The following LTN1 variants were observed in gnomAD, a reference collection of about 807,000 sequenced individuals.
LTN1 encodes the protein listerin E3 ubiquitin protein ligase 1.
A neutral mutation model predicts 201.2 loss-of-function variants in LTN1; 88 were observed. That is an observed-to-expected ratio of 0.44 (90% CI 0.37 to 0.52). The LOEUF (loss-of-function observed/expected upper bound fraction) is 0.52, where lower values mean the gene tolerates loss of function less well. LTN1 is among the 20% of genes least tolerant of loss of function. The pLI is 0.00. For missense variants in LTN1, 1,752 were observed against 2,038.7 expected (o/e 0.86, Z 2.71); for synonymous variants, 645 against 713.5 (o/e 0.90, Z 1.53).
chr21:28,951,689 C>T (rs528041968), intron 18 of LTN1, among the ~76,000 whole-genome samples: 8 of 151,964 alleles, frequency 5.3e-5, no homozygotes, highest in African/African-American at 1.2e-4. Context: ...AAAAAGGTGT[C>T]GGCCAGACAT....
At chr21:28,978,515 G>C (rs1342704619) in intron 6 of LTN1, among the ~76,000 whole-genome samples, 1 of 152,060 alleles carries the variant, frequency 6.6e-6, no homozygotes, top group Non-Finnish European at 1.5e-5. Flanking sequence ...TTATATGAAA[G>C]GTAAAACTGC....
At chr21:28,949,006 C>T (rs551582226) in intron 18 of LTN1, among the ~76,000 whole-genome samples, 1 of 152,212 alleles carries the variant, frequency 6.6e-6, no homozygotes, top group Non-Finnish European at 1.5e-5. Context: ...CAAATATGCA[C>T]AGGTGTGACT....
chr21:28,959,419 G>A (rs769533512), intron 13 of LTN1, 39 bp downstream of exon 13: 54 of 1,593,074 alleles, frequency 3.4e-5, no homozygotes, highest in Middle Eastern at 1.7e-4. Flanking sequence ...GGTCAGAGCC[G>A]GAGATTCCCA....
At chr21:28,992,323 C>A (rs2084753100) in intron 1 of LTN1, among the ~76,000 whole-genome samples, 1 of 152,140 alleles carries the variant, frequency 6.6e-6, no homozygotes, top group Non-Finnish European at 1.5e-5. Flanking sequence ...AATATACCAT[C>A]CTAAGAGCTT....
rs1350231828 is a variant in LTN1, at chr21:28,929,907, ATATC to A, written c.*537_*540del. Reference sequence around the variant, plus strand: ...ATAGGATTTCAGAGCATGCCTCCAGATATCTTAAGACAAGCCGTATTAATAGCTT... The same window carrying A: ...ATAGGATTTCAGAGCATGCCTCCAGATTAAGACAAGCCGTATTAATAGCTT... On this transcript the variant is annotated 3_prime_UTR_variant, in exon 30 of 30. Coordinates refer to ENST00000361371, the MANE Select transcript of LTN1 (RefSeq NM_015565.3). The A allele has an allele frequency of 6.6e-6, 1 of 152,208 alleles. No individual in the cohort carries two copies. The highest frequency in any genetic ancestry group is 1.5e-5 in the Non-Finnish European group (1 of 68,024). The allele number at this position is 152,208 out of a possible 1,614,324, so 9.4% of individuals were successfully genotyped here.
intron 16 of LTN1, among the ~76,000 whole-genome samples, chr21:28,955,323 A>G (rs978525003): frequency 1.3e-5 from 2 of 152,146 alleles, no homozygotes; most frequent in African/African-American, 4.8e-5. Context: ...ACAAAAAATA[A>G]CAAATGCTGG....
intron 11 of LTN1, chr21:28,964,559 G>T: frequency 6.7e-7 from 1 of 1,503,250 alleles, no homozygotes; most frequent in Non-Finnish European, 8.9e-7. Context: ...TATTGCTGTG[G>T]TGTGGAACTG....
In LTN1 at chr21:28,931,332, A is replaced by G. The variant is rs1467201724; in HGVS notation, c.5071-10T>C. 6.4e-7 allele frequency: 1 copy of G among 1,559,408 alleles called. No individual in the cohort carries two copies. On this transcript the variant is annotated splice_polypyrimidine_tract_variant and intron_variant, in intron 28 of 29. Coordinates refer to ENST00000361371, the MANE Select transcript of LTN1 (RefSeq NM_015565.3). ...CCATAATACTTCCATTCTGTTAACAAGAAGAAAAATAAGTCACTACACACT... is the reference window on the plus strand; with the variant it reads ...CCATAATACTTCCATTCTGTTAACAGGAAGAAAAATAAGTCACTACACACT...
chr21:28,939,796 T>C (rs143415332), intron 25 of LTN1, among the ~76,000 whole-genome samples: 2 of 152,316 alleles, frequency 1.3e-5, no homozygotes, highest in East Asian at 3.9e-4. Context: ...AACAATATTT[T>C]AAGAAATTGA....
intron 11 of LTN1, among the ~76,000 whole-genome samples, chr21:28,963,169 G>A (rs62224012): frequency 0.039 from 5,925 of 152,306 alleles, 131 homozygotes; most frequent in Middle Eastern, 0.12. Context: ...AATGAAGGTG[G>A]CTACACTAAA....
chr21:28,986,821 T>C lies in LTN1; in HGVS notation c.156A>G (p.Gln52=), dbSNP rs765035003. 3.1e-6 allele frequency: 5 copies of C among 1,613,730 alleles called. No individual in the cohort carries two copies. In the South Asian group the frequency reaches 3.3e-5, roughly 11 times the overall value. Residue 52 remains glutamine, a synonymous_variant, in exon 2 of 30, where the codon CAA becomes CAG. Coordinates refer to ENST00000361371, the MANE Select transcript of LTN1 (RefSeq NM_015565.3). The surrounding 1 kb of genome is among the most constrained non-coding windows in gnomAD (Gnocchi z 4.1). ...QSDLGYVPAI[Q]GAEEIDSLVD... is the part of the protein sequence containing the mutation. ...CAAGACTGTCAATTTCTTCAGCTCC[T>C]TGAATAGCAGGAACATAGCCTAGGT...
chr21:28,931,021 T>G (rs566638329), intron 29 of LTN1, 134 bp downstream of exon 29: 2 of 563,404 alleles, frequency 3.5e-6, no homozygotes, highest in African/African-American at 2.0e-5. Flanking sequence ...TTAGCTACAA[T>G]TAAGTTTAAC....
intron 19 of LTN1, among the ~76,000 whole-genome samples, chr21:28,946,549 T>G (rs1318749105): frequency 6.6e-6 from 1 of 152,210 alleles, no homozygotes; most frequent in Admixed American, 6.5e-5. Flanking sequence ...TTAAACTGAC[T>G]TATGCTGTTT....
chr21:28,933,677 C>CTTT (rs369698319), intron 27 of LTN1, among the ~76,000 whole-genome samples: 2 of 135,722 alleles, frequency 1.5e-5, no homozygotes, highest in African/African-American at 2.7e-5. Context: ...CTCTCTCTCT[C>CTTT]TTTTTTTTTT....
chr21:28,963,427 A>T (rs1249051146), intron 11 of LTN1, among the ~76,000 whole-genome samples: 1 of 152,246 alleles, frequency 6.6e-6, no homozygotes, highest in African/African-American at 2.4e-5. Context: ...AACAAGGACT[A>T]AATTACAGCA....
Position 28,953,150 on chromosome 21 carries a change from T to C in LTN1, c.3239+67A>G, listed in dbSNP as rs117964185. On this transcript the variant is annotated intron_variant, in intron 17 of 29. Coordinates refer to ENST00000361371, the MANE Select transcript of LTN1 (RefSeq NM_015565.3). ...CATTAGCATGCAGTAGGGTTACCTCTTACAGAAGGCAAAGCCATAAAGAAG... is the reference window on the plus strand; with the variant it reads ...CATTAGCATGCAGTAGGGTTACCTCCTACAGAAGGCAAAGCCATAAAGAAG... 3,148 of 1,222,446 alleles carry C rather than the reference T, an allele frequency of 2.6e-3. 5 individuals are homozygous for C. The highest frequency in any genetic ancestry group is 2.7e-3 in the Non-Finnish European group (2,352 of 885,724). 75.7% of individuals were successfully genotyped at this position (1,222,446 alleles called of 1,614,324 possible).
intron 12 of LTN1, among the ~76,000 whole-genome samples, chr21:28,960,105 G>A (rs1034161372): frequency 1.6e-4 from 24 of 152,080 alleles, no homozygotes; most frequent in Non-Finnish European, 3.2e-4. Flanking sequence ...AGCGGCTCAC[G>A]CCTGTAATCC....
chr21:28,946,413 G>T (rs2084338543), intron 19 of LTN1, 126 bp from the exon 20 acceptor site: 2 of 574,868 alleles, frequency 3.5e-6, no homozygotes, highest in Admixed American at 3.9e-5. Context: ...CTCTAATAAT[G>T]ACTTTTATCT....
chr21:28,970,710 A>G lies in LTN1; in HGVS notation c.1017T>C (p.Ser339=), dbSNP rs775359072. The G allele has an allele frequency of 4.7e-5, 76 of 1,613,802 alleles. No homozygotes were observed. Among genetic ancestry groups the G allele is most frequent in the Non-Finnish European group, 6.2e-5 (73 of 1,179,916 alleles). ...TCACAGTTGATAGCTTGGGAAACAC[A>G]CTCTTTTTTGCATTTACATGAAGCC... ...DCWLHVNAKK[S]VFPKLSTVIR... The change falls in exon 8 of 30, where the codon AGT becomes AGC. Residue 339 remains serine, a synonymous_variant. Transcript: ENST00000361371.
Sources: allele counts gnomAD v4.1 joint callset (sites outside exome capture counted in the v4.1 genomes callset), GRCh38; gene constraint gnomAD v4.1.1; non-coding constraint Gnocchi (gnomAD v3.1); transcripts MANE v1.5; gene names NCBI Gene and HGNC (gene_info 2026-07-23, HGNC 2026-07-21).